Variants in OLIG3 observed in about 807,000 individuals in gnomAD.
OLIG3 encodes the protein class B basic helix-loop-helix protein 7.
Under a neutral mutation model 14.7 loss-of-function variants are expected in OLIG3, and 12 were observed. The observed-to-expected ratio is 0.82, with a 90% CI of 0.52 to 1.32. The LOEUF (loss-of-function observed/expected upper bound fraction) is 1.32. Among genes scored for constraint, OLIG3 ranks in the 40% most tolerant of loss-of-function variants. OLIG3 has a pLI of 0.00. For missense variants in OLIG3, 405 were observed against 373.7 expected (o/e 1.08, Z -0.69); for synonymous variants, 192 against 171.4 (o/e 1.12, Z -0.94).
Position 137,493,650 on chromosome 6 carries a change from G to C in OLIG3, c.521C>G (p.Ala174Gly). The change falls in exon 1 of 1, where the codon GCG becomes GGG. Residue 174 changes from alanine (A) to glycine (G), a missense_variant. Physicochemically the swap from Ala to Gly is moderately conservative, Grantham distance 60. Transcript: ENST00000367734. The surrounding 1 kb of genome is among the most constrained non-coding windows in gnomAD (Gnocchi z 6.1). ...VGHSAGHPAH[A>G]ANSVHPVHPI... Reference sequence around the variant, plus strand: ...GTGCACCGGGTGCACGGAGTTGGCCGCGTGCGCGGGGTGGCCGGCCGAGTG... The same window carrying C: ...GTGCACCGGGTGCACGGAGTTGGCCCCGTGCGCGGGGTGGCCGGCCGAGTG... 6.2e-7 allele frequency: 1 copy of C among 1,608,860 alleles called. No homozygotes were observed. Among genetic ancestry groups the C allele is most frequent in the Non-Finnish European group, 8.5e-7 (1 of 1,179,444 alleles).
At position 137,493,882 on chromosome 6, in the gene OLIG3, G is replaced by A; in HGVS notation, c.289C>T (p.His97Tyr). 6.2e-7 allele frequency: 1 copy of A among 1,614,232 alleles called. No individual in the cohort carries two copies. Reference protein sequence around the residue: ...KINGRERKRMHDLNLAMDGLR... With the variant: ...KINGRERKRMYDLNLAMDGLR... ...CCGTCCATGGCTAGGTTCAGGTCGT[G>A]CATCCGCTTGCGTTCGCGTCCGTTG... Residue 97 changes from histidine to tyrosine, a missense_variant, in exon 1 of 1, where the codon CAC (histidine) becomes TAC (tyrosine). Physicochemically the swap from His to Tyr is moderately conservative, Grantham distance 83 (BLOSUM62 2). Around this residue, in one of 3 missense-constraint regions of OLIG3, gnomAD observed 165 missense variants for 165.5 expected, o/e 1.00. Transcript: ENST00000367734. This position sits in a 1 kb window ranked among gnomAD's most constrained non-coding sequence, Gnocchi z 6.1.
At position 137,493,713 on chromosome 6, in the gene OLIG3, C is replaced by T; in HGVS notation, c.458G>A (p.Gly153Glu). The T allele has an allele frequency of 6.2e-7, 1 of 1,613,314 alleles. No individual in the cohort carries two copies. The change falls in exon 1 of 1, where the codon GGG (glycine) becomes GAG (glutamate). Residue 153 changes from glycine to glutamate, a missense_variant. By Grantham distance (98) the Gly-to-Glu change is moderately conservative. This residue lies in a region of OLIG3 where 230 missense variants were observed against 178.5 expected (regional missense o/e 1.29). Transcript: ENST00000367734. The surrounding 1 kb of genome is among the most constrained non-coding windows in gnomAD (Gnocchi z 6.1). ...GCAGTGAAAGGCCGAGTGGTGGCCC[C>T]CATAGATCTCGCCAACCAGCCTCTT... is the stretch of plus-strand genomic sequence containing the variant. ...EMKRLVGEIY[G>E]GHHSAFHCGT...
At position 137,493,611 on chromosome 6, in the gene OLIG3, C is replaced by T. The variant is rs769903863; in HGVS notation, c.560G>A (p.Gly187Asp). 5.6e-6 allele frequency: 9 copies of T among 1,604,554 alleles called. No individual in the cohort carries two copies. The highest frequency in any genetic ancestry group is 4.0e-5 in the African/African-American group (3 of 74,852). The change falls in exon 1 of 1, where the codon GGC becomes GAC. Residue 187 changes from glycine (G) to aspartate (D), a missense_variant. Around this residue, in one of 3 missense-constraint regions of OLIG3, gnomAD observed 230 missense variants for 178.5 expected, o/e 1.29. Transcript: ENST00000367734. The surrounding 1 kb of genome is among the most constrained non-coding windows in gnomAD (Gnocchi z 6.1). ...SVHPVHPILG[G>D]ALSSGNASSP... The stretch of plus-strand genomic sequence containing the variant: ...CGAGGCGTTGCCAGATGAGAGCGCG[C>T]CGCCCAAGATGGGGTGCACCGGGTG...
rs1267174158 is a variant in OLIG3, at chr6:137,494,256, A to C, written c.-86T>G. On this transcript the variant is annotated 5_prime_UTR_variant, in exon 1 of 1. Coordinates refer to ENST00000367734, the MANE Select transcript of OLIG3 (RefSeq NM_175747.2). ...CTTGAATTAAAAAAAAAAAATCTGCACTGCCCAGGAACCCACTTCTCCGCG... is the reference window on the plus strand; with the variant it reads ...CTTGAATTAAAAAAAAAAAATCTGCCCTGCCCAGGAACCCACTTCTCCGCG... The C allele has an allele frequency of 2.6e-6, 3 of 1,164,440 alleles. No homozygotes were observed. The highest frequency in any genetic ancestry group is 2.3e-5 in the Admixed American group (1 of 43,492). 72.1% of individuals were successfully genotyped at this position (1,164,440 alleles called of 1,614,324 possible).
At position 137,493,510 on chromosome 6, in the gene OLIG3, T is replaced by C. The variant is rs1430591495; in HGVS notation, c.661A>G (p.Thr221Ala). The C allele has an allele frequency of 1.9e-6, 3 of 1,573,464 alleles. No homozygotes were observed. Among genetic ancestry groups the C allele is most frequent in the African/African-American group, 2.7e-5 (2 of 74,258 alleles). The change falls in exon 1 of 1, where the codon ACG (threonine) becomes GCG (alanine). Residue 221 changes from threonine (T) to alanine (A), a missense_variant. Physicochemically the swap from Thr to Ala is moderately conservative, Grantham distance 58 (BLOSUM62 0). Coordinates refer to ENST00000367734, the MANE Select transcript of OLIG3 (RefSeq NM_175747.2). The surrounding 1 kb of genome is among the most constrained non-coding windows in gnomAD (Gnocchi z 6.1). ...PPHSLLKAPS[T>A]PPALQLGSGF... ...CTGCCCAGCTGCAGCGCGGGCGGCGTGGAGGGCGCCTTGAGTAGCGAGTGG... is the reference window on the plus strand; with the variant it reads ...CTGCCCAGCTGCAGCGCGGGCGGCGCGGAGGGCGCCTTGAGTAGCGAGTGG...
In OLIG3 at chr6:137,493,392, A is replaced by C. The variant is rs759980127; in HGVS notation, c.779T>G (p.Met260Arg). ...PHLSALSTAN[M>R]ARLSAESKDL... ...CTTGGACTCGGCCGACAGCCGGGCC[A>C]TGTTGGCTGTGGAGAGAGCGGACAG... Residue 260 changes from methionine to arginine, a missense_variant, in exon 1 of 1, where the codon ATG becomes AGG. Coordinates refer to ENST00000367734, the MANE Select transcript of OLIG3 (RefSeq NM_175747.2). The surrounding 1 kb of genome is among the most constrained non-coding windows in gnomAD (Gnocchi z 6.1). 63 of 1,594,140 alleles carry C rather than the reference A, an allele frequency of 4.0e-5. 3 individuals are homozygous for C. The Admixed American group carries it at 9.5e-4, about 24-fold the overall frequency.
In OLIG3 at chr6:137,493,824, G is replaced by T. The variant is rs768415084; in HGVS notation, c.347C>A (p.Pro116Gln). 2.5e-6 allele frequency: 4 copies of T among 1,614,214 alleles called. No individual in the cohort carries two copies. Among genetic ancestry groups the T allele is most frequent in the Non-Finnish European group, 3.4e-6 (4 of 1,180,042 alleles). The change falls in exon 1 of 1, where the codon CCG becomes CAG. Residue 116 changes from proline (P) to glutamine (Q), a missense_variant. Physicochemically the swap from Pro to Gln is moderately conservative, Grantham distance 76 (BLOSUM62 -1). Coordinates refer to ENST00000367734, the MANE Select transcript of OLIG3 (RefSeq NM_175747.2). The surrounding 1 kb of genome is among the most constrained non-coding windows in gnomAD (Gnocchi z 6.1). The part of the protein sequence containing the change: ...LREVMPYAHG[P>Q]SVRKLSKIAT... ...GATCTTGGAGAGCTTGCGCACCGAC[G>T]GCCCATGCGCGTAGGGCATGACTTC...
chr6:137,493,662 T>A lies in OLIG3; in HGVS notation c.509A>T (p.His170Leu). ...CACGGAGTTGGCCGCGTGCGCGGGG[T>A]GGCCGGCCGAGTGGCCCACGGTCCC... Reference protein sequence around the residue: ...HCGTVGHSAGHPAHAANSVHP... With the variant: ...HCGTVGHSAGLPAHAANSVHP... The change falls in exon 1 of 1, where the codon CAC becomes CTC. Residue 170 changes from histidine to leucine, a missense_variant. By Grantham distance (99) the His-to-Leu change is moderately conservative. Coordinates refer to ENST00000367734, the MANE Select transcript of OLIG3 (RefSeq NM_175747.2). The surrounding 1 kb of genome is among the most constrained non-coding windows in gnomAD (Gnocchi z 6.1). 6.2e-7 allele frequency: 1 copy of A among 1,609,400 alleles called. No homozygotes were observed. The highest frequency in any genetic ancestry group is 8.5e-7 in the Non-Finnish European group (1 of 1,179,510).
Position 137,493,475 on chromosome 6 carries a change from C to T in OLIG3, c.696G>A (p.Gln232=). The T allele has an allele frequency of 1.3e-6, 2 of 1,573,722 alleles. No individual in the cohort carries two copies. The highest frequency in any genetic ancestry group is 1.2e-5 in the South Asian group (1 of 86,386). Residue 232 remains glutamine, a synonymous_variant, in exon 1 of 1, where the codon CAG becomes CAA. Coordinates refer to ENST00000367734, the MANE Select transcript of OLIG3 (RefSeq NM_175747.2). The surrounding 1 kb of genome is among the most constrained non-coding windows in gnomAD (Gnocchi z 6.1). ...AGGGGCAGGGCAGACCAGCCCAGTG[C>T]TGGAAGCCGCTGCCCAGCTGCAGCG... ...PPALQLGSGF[Q]HWAGLPCPCT...
Position 137,493,122 on chromosome 6 carries a change from C to T in OLIG3, c.*230G>A. 1 of 523,362 alleles carries T rather than the reference C, an allele frequency of 1.9e-6. No homozygotes were observed. The highest frequency in any genetic ancestry group is 2.6e-5 in the South Asian group (1 of 37,818). The allele number at this position is 523,362 out of a possible 1,614,324, so 32.4% of individuals were successfully genotyped here. ...AGCATGCATGCAAAACACACGACAT[C>T]TGGTTCGAGTCCCCCTTTGCTACCA... On this transcript the variant is annotated 3_prime_UTR_variant, in exon 1 of 1. Coordinates refer to ENST00000367734, the MANE Select transcript of OLIG3 (RefSeq NM_175747.2). This position sits in a 1 kb window ranked among gnomAD's most constrained non-coding sequence, Gnocchi z 6.1.
In OLIG3 at chr6:137,493,998, C is replaced by G. The variant is rs1005109891; in HGVS notation, c.173G>C (p.Arg58Pro). ...MQKMPGESLS[R>P]AGAKAAGESS... is the part of the protein sequence containing the mutation. Reference sequence around the variant, plus strand: ...CTCTCCCGCGGCCTTGGCGCCAGCCCGCGAGAGGCTTTCCCCGGGCATCTT... The same window carrying G: ...CTCTCCCGCGGCCTTGGCGCCAGCCGGCGAGAGGCTTTCCCCGGGCATCTT... The change falls in exon 1 of 1, where the codon CGG (arginine) becomes CCG (proline). Residue 58 changes from arginine (R) to proline (P), a missense_variant. By Grantham distance (103) the Arg-to-Pro change is moderately radical. This residue lies in a region of OLIG3 where 165 missense variants were observed against 165.5 expected (regional missense o/e 1.00). Coordinates refer to ENST00000367734, the MANE Select transcript of OLIG3 (RefSeq NM_175747.2). This position sits in a 1 kb window ranked among gnomAD's most constrained non-coding sequence, Gnocchi z 6.1. The G allele has an allele frequency of 1.2e-6, 2 of 1,613,532 alleles. No individual in the cohort carries two copies. Among genetic ancestry groups the G allele is most frequent in the African/African-American group, 1.3e-5 (1 of 74,936 alleles).
Position 137,494,026 on chromosome 6 carries a change from G to C in OLIG3, c.145C>G (p.Gln49Glu). The change falls in exon 1 of 1, where the codon CAG becomes GAG. Residue 49 changes from glutamine to glutamate, a missense_variant. This residue lies in a region of OLIG3 where 165 missense variants were observed against 165.5 expected (regional missense o/e 1.00). Transcript: ENST00000367734. Reference sequence around the variant, plus strand: ...GAGAGGCTTTCCCCGGGCATCTTCTGCATCATATCGCCCTGCGTGGACGAG... The same window carrying C: ...GAGAGGCTTTCCCCGGGCATCTTCTCCATCATATCGCCCTGCGTGGACGAG... ...SVSSTQGDMMQKMPGESLSRA... is the reference protein window; with the variant it reads ...SVSSTQGDMMEKMPGESLSRA... The C allele has an allele frequency of 6.2e-7, 1 of 1,612,862 alleles. No individual in the cohort carries two copies. Among genetic ancestry groups the C allele is most frequent in the Non-Finnish European group, 8.5e-7 (1 of 1,180,024 alleles).
Position 137,494,233 on chromosome 6 carries a change from T to C in OLIG3, c.-63A>G. ...TTAGGCGGGAAATTAAAGAAAATCT[T>C]GAATTAAAAAAAAAAAATCTGCACT... On this transcript the variant is annotated 5_prime_UTR_variant, in exon 1 of 1. Transcript: ENST00000367734. The C allele has an allele frequency of 7.1e-7, 1 of 1,401,994 alleles. No individual in the cohort carries two copies. Among genetic ancestry groups the C allele is most frequent in the East Asian group, 2.4e-5 (1 of 41,234 alleles). The allele number at this position is 1,401,994 out of a possible 1,614,324, so 86.8% of individuals were successfully genotyped here. A position where few individuals can be genotyped will look rare whatever the true frequency, so the allele number is the denominator to read the frequency against.
chr6:137,494,267 AC>A lies in OLIG3; in HGVS notation c.-98del. Reference sequence around the variant, plus strand: ...AAAAAAAAATCTGCACTGCCCAGGAACCCACTTCTCCGCGGCAAGACGTGAG... The same window carrying A: ...AAAAAAAAATCTGCACTGCCCAGGAACCACTTCTCCGCGGCAAGACGTGAG... On this transcript the variant is annotated 5_prime_UTR_variant, in exon 1 of 1. Coordinates refer to ENST00000367734, the MANE Select transcript of OLIG3 (RefSeq NM_175747.2). 9.6e-7 allele frequency: 1 copy of A among 1,043,542 alleles called. No homozygotes were observed. The highest frequency in any genetic ancestry group is 1.4e-6 in the Non-Finnish European group (1 of 709,712). The allele number at this position is 1,043,542 out of a possible 1,614,324, so 64.6% of individuals were successfully genotyped here. A position where few individuals can be genotyped will look rare whatever the true frequency, so the allele number is the denominator to read the frequency against.
Position 137,493,358 on chromosome 6 carries a change from G to C in OLIG3, c.813C>G (p.Leu271=). Residue 271 remains leucine, a synonymous_variant, in exon 1 of 1, where the codon CTC becomes CTG. Transcript: ENST00000367734. The surrounding 1 kb of genome is among the most constrained non-coding windows in gnomAD (Gnocchi z 6.1). ...AGCCGGGCCCGCCCGCTGCTCACTTGAGCAAGTCCTTGGACTCGGCCGACA... is the reference window on the plus strand; with the variant it reads ...AGCCGGGCCCGCCCGCTGCTCACTTCAGCAAGTCCTTGGACTCGGCCGACA... ...ARLSAESKDL[L]K is the part of the protein sequence containing the mutation. 2.5e-6 allele frequency: 4 copies of C among 1,580,366 alleles called. No individual in the cohort carries two copies. Among genetic ancestry groups the C allele is most frequent in the Non-Finnish European group, 3.4e-6 (4 of 1,172,344 alleles).
chr6:137,494,034 T>C lies in OLIG3; in HGVS notation c.137A>G (p.Asp46Gly). The change falls in exon 1 of 1, where the codon GAT becomes GGT. Residue 46 changes from aspartate (D) to glycine (G), a missense_variant. Transcript: ENST00000367734. ...RLNSVSSTQG[D>G]MMQKMPGESL... Reference sequence around the variant, plus strand: ...TTCCCCGGGCATCTTCTGCATCATATCGCCCTGCGTGGACGAGACCGAGTT... The same window carrying C: ...TTCCCCGGGCATCTTCTGCATCATACCGCCCTGCGTGGACGAGACCGAGTT... 1 of 1,611,978 alleles carries C rather than the reference T, an allele frequency of 6.2e-7. No individual in the cohort carries two copies. The highest frequency in any genetic ancestry group is 8.5e-7 in the Non-Finnish European group (1 of 1,179,780).
Position 137,494,178 on chromosome 6 carries a change from C to G in OLIG3, c.-8G>C. On this transcript the variant is annotated 5_prime_UTR_variant, in exon 1 of 1. Coordinates refer to ENST00000367734, the MANE Select transcript of OLIG3 (RefSeq NM_175747.2). The stretch of plus-strand genomic sequence containing the variant: ...GCTCGAATCAGAATTCATTTTATTA[C>G]AGGGGATGCGGCCCTACCGTGGGGA... The G allele has an allele frequency of 6.2e-7, 1 of 1,608,406 alleles. No individual in the cohort carries two copies. Among genetic ancestry groups the G allele is most frequent in the Non-Finnish European group, 8.5e-7 (1 of 1,176,466 alleles).
rs1582753101 is a variant in OLIG3, at chr6:137,492,213, T to C, written c.*1139A>G. ...AAAGGCAAAGCCACGATTTAAAGGT[T>C]CTTTTTTATTTGAAATCTCATCCAG... On this transcript the variant is annotated 3_prime_UTR_variant, in exon 1 of 1. Coordinates refer to ENST00000367734, the MANE Select transcript of OLIG3 (RefSeq NM_175747.2). The C allele has an allele frequency of 6.5e-6, 1 of 152,826 alleles. No individual in the cohort carries two copies. Among genetic ancestry groups the C allele is most frequent in the South Asian group, 2.1e-4 (1 of 4,834 alleles). 9.5% of individuals were successfully genotyped at this position (152,826 alleles called of 1,614,324 possible). A position where few individuals can be genotyped will look rare whatever the true frequency, so the allele number is the denominator to read the frequency against.
chr6:137,492,301 A>G lies in OLIG3; in HGVS notation c.*1051T>C, dbSNP rs543778913. 2.0e-5 allele frequency: 3 copies of G among 152,670 alleles called. No homozygotes were observed. The highest frequency in any genetic ancestry group is 7.2e-5 in the African/African-American group (3 of 41,450). The allele number at this position is 152,670 out of a possible 1,614,324, so 9.5% of individuals were successfully genotyped here. A position where few individuals can be genotyped will look rare whatever the true frequency, so the allele number is the denominator to read the frequency against. On this transcript the variant is annotated 3_prime_UTR_variant, in exon 1 of 1. Transcript: ENST00000367734. ...GAATATATAAAAAATAAAGACAGGT[A>G]TCGTCTTTGAGGCCCTAACAAAATA...
Sources: gnomAD v4.1 joint callset for allele counts on GRCh38, gnomAD v4.1.1 for gene constraint, gnomAD v4.1.1 regional missense constraint, Gnocchi (gnomAD v3.1) non-coding constraint, MANE v1.5 for transcripts, NCBI Gene and HGNC (gene_info 2026-07-23, HGNC 2026-07-21) for gene names.